The following PDXK variants were observed in gnomAD, a reference collection of about 807,000 sequenced individuals.
PDXK encodes epididymis secretory sperm binding protein Li 1a.
Under a neutral mutation model 43.2 loss-of-function variants are expected in PDXK, and 15 were observed. The observed-to-expected ratio is 0.35, with a 90% CI of 0.23 to 0.53. The LOEUF is 0.53. Among genes scored for constraint, PDXK ranks in the 20% least tolerant of loss-of-function variants. The pLI is 0.92. For synonymous variants in PDXK, 172 were observed against 165.4 expected (o/e 1.04, Z -0.31); for missense variants, 343 against 417.0 (o/e 0.82, Z 1.54).
chr21:43,756,066 GC>G lies in PDXK; in HGVS notation c.*7del. The G allele has an allele frequency of 6.3e-7, 1 of 1,577,360 alleles. No homozygotes were observed. The highest frequency in any genetic ancestry group is 8.7e-7 in the Non-Finnish European group (1 of 1,151,826). On this transcript the variant is annotated 3_prime_UTR_variant, in exon 11 of 11. Transcript: ENST00000291565. The stretch of plus-strand genomic sequence containing the variant: ...TCGTCCAGGCCACGGTGCTGTGAGG[GC>G]CCCGCCGCTTGCCCGTGACACGCAG...
At position 43,723,580 on chromosome 21, in the gene PDXK, G is replaced by A. The variant is rs568514614; in HGVS notation, c.87+4199G>A. 1 of 152,406 alleles carries A rather than the reference G, an allele frequency of 6.6e-6. No individual in the cohort carries two copies. The highest frequency in any genetic ancestry group is 1.9e-4 in the East Asian group (1 of 5,194). The allele number at this position is 152,406 out of a possible 1,614,324, so 9.4% of individuals were successfully genotyped here. ...GAAATTTGAAAGTGGCATAAACCAA[G>A]GGGTGAATTAAAGGCCCAGAAGTTG... On this transcript the variant is annotated intron_variant, in intron 1 of 10. Coordinates refer to ENST00000291565, the MANE Select transcript of PDXK (RefSeq NM_003681.5). The surrounding 1 kb of genome is among the most constrained non-coding windows in gnomAD (Gnocchi z 4.1).
In PDXK at chr21:43,735,062, G is replaced by A. The variant is rs560429318; in HGVS notation, c.142+939G>A. Among the ~76,000 whole-genome samples the A allele has an allele frequency of 9.8e-5, 15 of 152,338 alleles. No individual in the cohort carries two copies. Among genetic ancestry groups the A allele is most frequent in the East Asian group, 1.9e-4 (1 of 5,184 alleles). ...AGTGAGAGGAAAGAGTTGCTTGGCCGGTGCAGACGGACAGGCTCCAGCTCT... is the reference window on the plus strand; with the variant it reads ...AGTGAGAGGAAAGAGTTGCTTGGCCAGTGCAGACGGACAGGCTCCAGCTCT... On this transcript the variant is annotated intron_variant, in intron 2 of 10. Transcript: ENST00000291565. The surrounding 1 kb of genome is among the most constrained non-coding windows in gnomAD (Gnocchi z 5.3).
At chr21:43,750,817 C>T (rs933435610) in intron 7 of PDXK, among the ~76,000 whole-genome samples, 1 of 148,938 alleles carries the variant, frequency 6.7e-6, no homozygotes, top group African/African-American at 2.5e-5. Context: ...TGTGCGCGCA[C>T]CCATGTGTGC....
rs117723587 is a variant in PDXK at position 43,729,975 on chromosome 21, A to C, written c.88-4094A>C. Among the ~76,000 whole-genome samples, 4 of 152,130 alleles carry C rather than the reference A, an allele frequency of 2.6e-5. No individual in the cohort carries two copies. In the East Asian group the frequency reaches 7.7e-4, roughly 29 times the overall value. On this transcript the variant is annotated intron_variant, in intron 1 of 10. Transcript: ENST00000291565. ...AGAAAACCAAAACAAAACAAAAAAAACAAAAAACAAAAAATGGTAGCACGG... is the reference window on the plus strand; with the variant it reads ...AGAAAACCAAAACAAAACAAAAAAACCAAAAAACAAAAAATGGTAGCACGG...
At position 43,750,559 on chromosome 21, in the gene PDXK, C is replaced by G; in HGVS notation, c.510+14C>G. 6.2e-7 allele frequency: 1 copy of G among 1,606,966 alleles called. No individual in the cohort carries two copies. The highest frequency in any genetic ancestry group is 8.5e-7 in the Non-Finnish European group (1 of 1,174,360). On this transcript the variant is annotated intron_variant, in intron 7 of 10. Transcript: ENST00000291565. ...GAAGCCTTGCGGGTAAGGAGGCCCT[C>G]TGGGGCCTGTGCGGGGCACATGTGC...
intron 1 of PDXK, chr21:43,733,648 G>T: frequency 9.5e-7 from 1 of 1,057,136 alleles, no homozygotes; most frequent in Non-Finnish European, 1.1e-6. Context: ...TGGGGTAGAC[G>T]CCCACATTTT....
intron 1 of PDXK, among the ~76,000 whole-genome samples, chr21:43,729,625 A>C (rs2083292634): frequency 6.6e-6 from 1 of 152,082 alleles, no homozygotes; most frequent in Non-Finnish European, 1.5e-5. Flanking sequence ...GGGAATGCAC[A>C]TGAGGGGAGC....
rs1368628720 is a variant in PDXK, at chr21:43,734,036, C to T, written c.88-33C>T. On this transcript the variant is annotated intron_variant, in intron 1 of 10. Transcript: ENST00000291565. The surrounding 1 kb of genome is among the most constrained non-coding windows in gnomAD (Gnocchi z 5.0). Reference sequence around the variant, plus strand: ...TTCGTGGGACCCCAGACCTGGCTCTCTTACGCCTACCTGTTCCTTCTCTGT... The same window carrying T: ...TTCGTGGGACCCCAGACCTGGCTCTTTTACGCCTACCTGTTCCTTCTCTGT... The T allele has an allele frequency of 6.2e-7, 1 of 1,611,838 alleles. No homozygotes were observed. Among genetic ancestry groups the T allele is most frequent in the Non-Finnish European group, 8.5e-7 (1 of 1,177,924 alleles).
chr21:43,755,929 G>C (rs771044521), intron 10 of PDXK, 22 bp from the exon 11 acceptor site: 1 of 1,578,116 alleles, frequency 6.3e-7, no homozygotes, highest in Non-Finnish European at 8.7e-7. Flanking sequence ...TGGGAACTCA[G>C]TGCTCTCTGC....
In PDXK at chr21:43,750,572, G is replaced by A. The variant is rs552215476; in HGVS notation, c.510+27G>A. On this transcript the variant is annotated intron_variant, in intron 7 of 10. Transcript: ENST00000291565. ...TAAGGAGGCCCTCTGGGGCCTGTGC[G>A]GGGCACATGTGCCGCTCACGGTGGG... is the stretch of plus-strand genomic sequence containing the variant. 44 of 1,590,548 alleles carry A rather than the reference G, an allele frequency of 2.8e-5. No homozygotes were observed. The East Asian group carries it at 5.2e-4, about 19-fold the overall frequency.
intron 2 of PDXK, among the ~76,000 whole-genome samples, chr21:43,736,552 A>G (rs570199966): frequency 6.6e-6 from 1 of 150,900 alleles, no homozygotes; most frequent in South Asian, 2.1e-4. Context: ...GCTGCGCCTG[A>G]TTTGGCAGGG....
At chr21:43,729,337 C>T (rs2083288939) in intron 1 of PDXK, among the ~76,000 whole-genome samples, 1 of 152,214 alleles carries the variant, frequency 6.6e-6, no homozygotes, top group Admixed American at 6.5e-5. Flanking sequence ...GCGGGGGCTC[C>T]GTAGGCACGG....
intron 1 of PDXK, chr21:43,733,608 G>A (rs117938655): frequency 9.6e-5 from 99 of 1,026,270 alleles, no homozygotes; most frequent in Non-Finnish European, 1.1e-4. Context: ...TGCTGCCCGC[G>A]GAGCCCTTGG....
chr21:43,744,280 TG>T lies in PDXK; in HGVS notation c.331+477del, dbSNP rs373932726. On this transcript the variant is annotated intron_variant, in intron 4 of 10. Coordinates refer to ENST00000291565, the MANE Select transcript of PDXK (RefSeq NM_003681.5). ...GCCCGCTAGGGAGTGGCCAAGTCTT[TG>T]GGGCATCTGCCTTGATCGGTCTTTC... Among the ~76,000 whole-genome samples, 114 of 152,232 alleles carry T rather than the reference TG, an allele frequency of 7.5e-4. 4 individuals are homozygous for T. In the East Asian group the frequency reaches 0.02, roughly 27 times the overall value.
chr21:43,744,080 G>C (rs1341977699), intron 4 of PDXK, among the ~76,000 whole-genome samples: 6 of 152,188 alleles, frequency 3.9e-5, no homozygotes, highest in African/African-American at 1.4e-4. Context: ...TGGGGCTGCT[G>C]TGTGAATGCC....
At chr21:43,726,949 G>A (rs11909215) in intron 1 of PDXK, among the ~76,000 whole-genome samples, 19,323 of 152,176 alleles carry the variant, frequency 0.13, 1,489 homozygotes, top group African/African-American at 0.22. Flanking sequence ...CATGGCGTGT[G>A]TGCACATGTC....
At chr21:43,727,728 G>C (rs2083268645) in intron 1 of PDXK, among the ~76,000 whole-genome samples, 1 of 152,234 alleles carries the variant, frequency 6.6e-6, no homozygotes, top group South Asian at 2.1e-4. Context: ...CTGCCAGCCG[G>C]GGCACAGGGA....
chr21:43,727,756 G>A (rs2083268987), intron 1 of PDXK, among the ~76,000 whole-genome samples: 2 of 152,226 alleles, frequency 1.3e-5, no homozygotes, highest in African/African-American at 4.8e-5. Flanking sequence ...CATCCAGGAG[G>A]AGGGTGCAGC....
At position 43,737,840 on chromosome 21, in the gene PDXK, C is replaced by T. The variant is rs994810074; in HGVS notation, c.142+3717C>T. The T allele has an allele frequency of 2.3e-4, 228 of 985,342 alleles. 1 individual carries two copies. The highest frequency in any genetic ancestry group is 6.1e-5 in the Non-Finnish European group (51 of 829,934). 61.0% of individuals were successfully genotyped at this position (985,342 alleles called of 1,614,324 possible). On this transcript the variant is annotated intron_variant, in intron 2 of 10. Coordinates refer to ENST00000291565, the MANE Select transcript of PDXK (RefSeq NM_003681.5). This position sits in a 1 kb window ranked among gnomAD's most constrained non-coding sequence, Gnocchi z 4.8. ...AACCGCTTGTTTGCCTGTGCTTTTTCATCTGTAAATGGAATGAGTTGGACA... is the reference window on the plus strand; with the variant it reads ...AACCGCTTGTTTGCCTGTGCTTTTTTATCTGTAAATGGAATGAGTTGGACA...
Sources: gnomAD v4.1 joint callset for allele counts (sites outside exome capture counted in the v4.1 genomes callset) on GRCh38, gnomAD v4.1.1 for gene constraint, Gnocchi (gnomAD v3.1) non-coding constraint, MANE v1.5 for transcripts, NCBI Gene and HGNC (gene_info 2026-07-23, HGNC 2026-07-21) for gene names.